SNTG1: variants seen among roughly 807,000 people sequenced by gnomAD.
The protein encoded by SNTG1 is gamma-1-syntrophin.
Under a neutral mutation model 74.7 loss-of-function variants are expected in SNTG1, and 39 were observed. The observed-to-expected ratio is 0.52, with a 90% CI of 0.40 to 0.68. SNTG1 has a LOEUF of 0.68. SNTG1 is among the 30% of genes least tolerant of loss of function. The probability of loss-of-function intolerance (pLI) is 0.00; values close to 1 mark genes in which losing one functional copy is unlikely to be tolerated. For missense variants in SNTG1, 685 were observed against 609.5 expected (o/e 1.12, Z -1.30); for synonymous variants, 254 against 217.1 (o/e 1.17, Z -1.49).
At chr8:49,924,287 G>GA (rs142215602) in intron 1 of SNTG1, among the ~76,000 whole-genome samples, 1 of 152,042 alleles carries the variant, frequency 6.6e-6, no homozygotes, top group African/African-American at 2.4e-5. Context: ...CTTTATAGAG[G>GA]AAAAAAAGTT....
chr8:49,928,129 ACT>A (rs981577120), intron 1 of SNTG1, among the ~76,000 whole-genome samples: 1 of 141,636 alleles, frequency 7.1e-6, no homozygotes, highest in African/African-American at 2.6e-5. Flanking sequence ...ACTCTGTGAA[ACT>A]CTGTCTCAAA....
At chr8:50,029,358 C>T (rs1817550072) in intron 1 of SNTG1, among the ~76,000 whole-genome samples, 1 of 151,820 alleles carries the variant, frequency 6.6e-6, no homozygotes, top group Admixed American at 6.6e-5. Context: ...ATTTCAATTC[C>T]ATCCTCTTTG....
At chr8:50,767,938 A>G (rs1247392332) in intron 18 of SNTG1, among the ~76,000 whole-genome samples, 1 of 152,022 alleles carries the variant, frequency 6.6e-6, no homozygotes, top group African/African-American at 2.4e-5. Context: ...ATGTTAAAAT[A>G]TTTCCTAAAC....
At chr8:50,039,240 G>A (rs971419864) in intron 1 of SNTG1, among the ~76,000 whole-genome samples, 1 of 151,980 alleles carries the variant, frequency 6.6e-6, no homozygotes, top group Non-Finnish European at 1.5e-5. Flanking sequence ...CAGATCACAA[G>A]GTCAGGAGAT....
intron 1 of SNTG1, among the ~76,000 whole-genome samples, chr8:50,098,932 A>C (rs2080028258): frequency 6.6e-6 from 1 of 152,126 alleles, no homozygotes; most frequent in African/African-American, 2.4e-5. Flanking sequence ...AAATCACACT[A>C]TTGTTCTTCT....
At chr8:50,474,864 T>C (rs1457778716) in intron 8 of SNTG1, among the ~76,000 whole-genome samples, 1 of 152,076 alleles carries the variant, frequency 6.6e-6, no homozygotes, top group Non-Finnish European at 1.5e-5. Context: ...TAAGAAAATG[T>C]GGCATATATA....
chr8:50,788,524 G>A (rs117429097), intron 18 of SNTG1, among the ~76,000 whole-genome samples: 3,161 of 152,034 alleles, frequency 0.021, 53 homozygotes, highest in Non-Finnish European at 0.032. Flanking sequence ...AACGCTAAGC[G>A]TGTGGGAGTT....
At chr8:50,376,823 T>C (rs2092397235) in intron 2 of SNTG1, among the ~76,000 whole-genome samples, 1 of 147,614 alleles carries the variant, frequency 6.8e-6, no homozygotes, top group Non-Finnish European at 1.5e-5. Context: ...AATATTACCT[T>C]GCCCTGAAGC....
intron 2 of SNTG1, among the ~76,000 whole-genome samples, chr8:50,392,070 C>T (rs1291226103): frequency 6.6e-6 from 1 of 152,036 alleles, no homozygotes; most frequent in African/African-American, 2.4e-5. Flanking sequence ...TGAAAACAGA[C>T]AGTAAGGAAA....
Position 50,395,396 on chromosome 8 carries a change from T to A in SNTG1, c.27+1131T>A, listed in dbSNP as rs1563329201. Among the ~76,000 whole-genome samples, 3 of 152,066 alleles carry A rather than the reference T, an allele frequency of 2.0e-5. No homozygotes were observed. The East Asian group carries it at 5.8e-4, about 29-fold the overall frequency. ...TACACTGAATACTATAAGGTCAGAG[T>A]GTGTACATTATTCATCTTTTTAACT... On this transcript the variant is annotated intron_variant, in intron 3 of 18. Transcript: ENST00000642720.
At chr8:49,984,366 C>G (rs1013578395) in intron 1 of SNTG1, among the ~76,000 whole-genome samples, 1 of 151,902 alleles carries the variant, frequency 6.6e-6, no homozygotes, top group South Asian at 2.1e-4. Context: ...TTACCACTCC[C>G]GGATAATTTT....
intron 13 of SNTG1, among the ~76,000 whole-genome samples, chr8:50,631,350 C>G (rs1352445757): frequency 6.6e-6 from 1 of 152,128 alleles, no homozygotes; most frequent in East Asian, 1.9e-4. Flanking sequence ...TTTTGGAACA[C>G]CATTTCTTCA....
chr8:50,603,707 G>A (rs2094792072), intron 13 of SNTG1, among the ~76,000 whole-genome samples: 1 of 152,176 alleles, frequency 6.6e-6, no homozygotes, highest in Non-Finnish European at 1.5e-5. Flanking sequence ...ACCAATAACA[G>A]TGATTCTTGC....
At chr8:50,787,849 A>G (rs979221139) in intron 18 of SNTG1, among the ~76,000 whole-genome samples, 7 of 152,088 alleles carry the variant, frequency 4.6e-5, no homozygotes, top group Non-Finnish European at 1.0e-4. Context: ...GAGAGAGGAA[A>G]TGAGGAGTGA....
intron 1 of SNTG1, among the ~76,000 whole-genome samples, chr8:49,950,299 C>A (rs1029720302): frequency 1.3e-5 from 2 of 152,014 alleles, no homozygotes; most frequent in Non-Finnish European, 2.9e-5. Flanking sequence ...TCTCAAAGTC[C>A]CATGGCACAT....
At chr8:49,998,133 A>G (rs77000767) in intron 1 of SNTG1, among the ~76,000 whole-genome samples, 8,637 of 152,218 alleles carry the variant, frequency 0.057, 286 homozygotes, top group Middle Eastern at 0.092. Context: ...CTACACATAC[A>G]TAAACATACA....
chr8:50,629,995 A>T (rs988191760), intron 13 of SNTG1, among the ~76,000 whole-genome samples: 4 of 152,206 alleles, frequency 2.6e-5, no homozygotes, highest in African/African-American at 7.2e-5. Flanking sequence ...GTTTTTGTTC[A>T]ATAGGTAAAT....
At chr8:50,712,087 A>G (rs1371596773) in intron 17 of SNTG1, among the ~76,000 whole-genome samples, 3 of 152,214 alleles carry the variant, frequency 2.0e-5, no homozygotes, top group Non-Finnish European at 2.9e-5. Flanking sequence ...CAAAACACTC[A>G]TTTAATTTGT....
chr8:50,507,305 C>T (rs1164989904), intron 9 of SNTG1, among the ~76,000 whole-genome samples: 1 of 151,894 alleles, frequency 6.6e-6, no homozygotes, highest in African/African-American at 2.4e-5. Flanking sequence ...TTTGTAGTAT[C>T]TTTGCTTGGT....
Sources: allele counts gnomAD v4.1 joint callset (sites outside exome capture counted in the v4.1 genomes callset), GRCh38; gene constraint gnomAD v4.1.1; transcripts MANE v1.5; gene names NCBI Gene and HGNC (gene_info 2026-07-23, HGNC 2026-07-21).